Variants in RNF115 observed in about 807,000 individuals in gnomAD.
The protein encoded by RNF115 is ring finger protein 115.
Under a neutral mutation model 39.2 loss-of-function variants are expected in RNF115, and 31 were observed. The observed-to-expected ratio is 0.79, with a 90% confidence interval of 0.59 to 1.07. The LOEUF is 1.07. RNF115 is among the 50% of genes least tolerant of loss of function. The probability of loss-of-function intolerance (pLI) is 0.00; values close to 1 mark genes in which losing one functional copy is unlikely to be tolerated. For missense variants in RNF115, 384 were observed against 381.7 expected (o/e 1.01, Z -0.05); for synonymous variants, 124 against 131.0 (o/e 0.95, Z 0.37).
At chr1:145,751,387 G>T in intron 6 of RNF115, 51 bp downstream of exon 6, 2 of 1,273,618 alleles carry the variant, frequency 1.6e-6, no homozygotes, top group Middle Eastern at 2.6e-4. Flanking sequence ...CAGGAAGCCT[G>T]TGGAACCATG....
intron 4 of RNF115, among the ~76,000 whole-genome samples, chr1:145,756,389 C>A (rs1303895772): frequency 6.6e-6 from 1 of 151,730 alleles, no homozygotes; most frequent in Non-Finnish European, 1.5e-5. Context: ...GAACCCAGGA[C>A]ACGGACGTTG....
chr1:145,810,717 G>C (rs1264282304), intron 1 of RNF115, among the ~76,000 whole-genome samples: 1 of 145,262 alleles, frequency 6.9e-6, no homozygotes, highest in African/African-American at 2.5e-5. Context: ...GAAAGCATAG[G>C]CAAGTCCAGC....
intron 1 of RNF115, among the ~76,000 whole-genome samples, chr1:145,791,096 A>G (rs1395235180): frequency 4.6e-5 from 7 of 151,562 alleles, no homozygotes; most frequent in East Asian, 2.0e-4. Flanking sequence ...GAGCCCAGAT[A>G]GTGCCATTGC....
intron 3 of RNF115, chr1:145,772,618 A>G (rs1247607188): frequency 6.6e-6 from 1 of 152,044 alleles, no homozygotes; most frequent in African/African-American, 2.4e-5. Context: ...GATCCCTTAT[A>G]TTTTACAAGT....
At chr1:145,812,661 C>A (rs868980574) in intron 1 of RNF115, among the ~76,000 whole-genome samples, 15 of 146,358 alleles carry the variant, frequency 1.0e-4, no homozygotes, top group African/African-American at 7.7e-5. Context: ...CTTCAGGTCT[C>A]AAAAAAAAAC....
chr1:145,752,317 A>G (rs1394418987), intron 5 of RNF115, among the ~76,000 whole-genome samples: 1 of 152,152 alleles, frequency 6.6e-6, no homozygotes, highest in South Asian at 2.1e-4. Context: ...CTTAAGGAGT[A>G]AAATATTCCT....
Position 145,767,374 on chromosome 1 carries a change from G to A in RNF115, c.428+4337C>T, listed in dbSNP as rs587727935. On this transcript the variant is annotated intron_variant, in intron 4 of 8. Coordinates refer to ENST00000582693, the MANE Select transcript of RNF115 (RefSeq NM_014455.4). ...CAGAGACGCTCCTCACATCCCAGAC[G>A]GGGTGGCAGGGCAGAGGCGCTCCCC... Among the ~76,000 whole-genome samples the A allele has an allele frequency of 4.6e-5, 7 of 151,916 alleles. No homozygotes were observed. The East Asian group carries it at 9.8e-4, about 21-fold the overall frequency.
At chr1:145,758,027 T>C (rs1658365281) in intron 4 of RNF115, among the ~76,000 whole-genome samples, 2 of 152,190 alleles carry the variant, frequency 1.3e-5, no homozygotes, top group Non-Finnish European at 2.9e-5. Context: ...AAATAATTTG[T>C]GGCTAGAGGG....
chr1:145,781,159 A>T (rs797044191), intron 3 of RNF115, among the ~76,000 whole-genome samples: 41 of 152,020 alleles, frequency 2.7e-4, no homozygotes, highest in African/African-American at 7.2e-4. Flanking sequence ...TCATTTTTTT[A>T]AAAAAAAGTC....
chr1:145,783,851 T>C (rs1332499616), intron 3 of RNF115, among the ~76,000 whole-genome samples: 3 of 151,710 alleles, frequency 2.0e-5, no homozygotes, highest in Non-Finnish European at 4.4e-5. Flanking sequence ...AAAACACAAC[T>C]AAAGAGACTT....
chr1:145,788,853 G>A, intron 2 of RNF115, 55 bp downstream of exon 2: 1 of 1,253,098 alleles, frequency 8.0e-7, no homozygotes, highest in South Asian at 1.2e-5. Flanking sequence ...TCCATGCTGA[G>A]AGAAAATAGT....
chr1:145,772,306 G>C (rs890901338), intron 3 of RNF115: 1 of 172,618 alleles, frequency 5.8e-6, no homozygotes, highest in African/African-American at 2.4e-5. Context: ...GAAAAATTAC[G>C]AATGTTTAAT....
In RNF115 at chr1:145,788,689, CTA is replaced by C. The variant is rs1183853681; in HGVS notation, c.161+217_161+218del. On this transcript the variant is annotated intron_variant, in intron 2 of 8. Coordinates refer to ENST00000582693, the MANE Select transcript of RNF115 (RefSeq NM_014455.4). ...GGAGCAGTGCGTATCACCACATCTG[CTA>C]TGATATCACTTTCCAAATTTTCCCA... 6.0e-6 allele frequency: 4 copies of C among 662,246 alleles called. No individual in the cohort carries two copies. In the African/African-American group the frequency reaches 7.1e-5, roughly 12 times the overall value. The allele number at this position is 662,246 out of a possible 1,614,324, so 41.0% of individuals were successfully genotyped here.
At chr1:145,783,507 T>G (rs1291759179) in intron 3 of RNF115, among the ~76,000 whole-genome samples, 2 of 152,182 alleles carry the variant, frequency 1.3e-5, no homozygotes, top group African/African-American at 4.8e-5. Flanking sequence ...ACAATTTCAA[T>G]TTACATACAA....
At position 145,771,909 on chromosome 1, in the gene RNF115, T is replaced by A; in HGVS notation, c.230A>T (p.His77Leu). 3 of 1,613,804 alleles carry A rather than the reference T, an allele frequency of 1.9e-6. No individual in the cohort carries two copies. Among genetic ancestry groups the A allele is most frequent in the Non-Finnish European group, 1.7e-6 (2 of 1,179,884 alleles). Residue 77 changes from histidine (H) to leucine (L), a missense_variant, in exon 4 of 9, where the codon CAT becomes CTT. By Grantham distance (99) the His-to-Leu change is moderately conservative. Coordinates refer to ENST00000582693, the MANE Select transcript of RNF115 (RefSeq NM_014455.4). The part of the protein sequence containing the change: ...TTTHFAELWG[H>L]LDHTMFFQDF... Reference sequence around the variant, plus strand: ...TTGAAAAAACATCGTGTGATCCAAATGGCCCCAAAGCTAGTAAAGACCAGA... The same window carrying A: ...TTGAAAAAACATCGTGTGATCCAAAAGGCCCCAAAGCTAGTAAAGACCAGA...
intron 1 of RNF115, among the ~76,000 whole-genome samples, chr1:145,819,689 C>T (rs1236373498): frequency 1.3e-5 from 2 of 152,176 alleles, no homozygotes; most frequent in African/African-American, 2.4e-5. Context: ...CCCTAATGAA[C>T]ACAGACACAA....
chr1:145,780,147 G>T (rs1571744934), intron 3 of RNF115, among the ~76,000 whole-genome samples: 2 of 152,108 alleles, frequency 1.3e-5, no homozygotes, highest in South Asian at 4.2e-4. Context: ...AGAATCACTA[G>T]AACCCAGGAG....
intron 4 of RNF115, among the ~76,000 whole-genome samples, chr1:145,756,186 C>G (rs1485777597): frequency 1.3e-5 from 2 of 152,088 alleles, no homozygotes; most frequent in African/African-American, 2.4e-5. Flanking sequence ...AAGGGCCAGG[C>G]ACGGTAGCTC....
intron 4 of RNF115, 86 bp downstream of exon 4, chr1:145,771,625 G>A: frequency 9.3e-7 from 1 of 1,071,692 alleles, no homozygotes; most frequent in South Asian, 1.5e-5. Context: ...AAGGTAATAA[G>A]TATGAGACCC....
Sources: gnomAD v4.1 joint callset for allele counts (sites outside exome capture counted in the v4.1 genomes callset) on GRCh38, gnomAD v4.1.1 for gene constraint, MANE v1.5 for transcripts, NCBI Gene and HGNC (gene_info 2026-07-23, HGNC 2026-07-21) for gene names.